Variants in RERE observed in about 807,000 individuals in gnomAD.
RERE encodes arginine-glutamic acid dipeptide repeats protein.
A neutral mutation model predicts 146.1 loss-of-function variants in RERE; 40 were observed. The observed-to-expected ratio is 0.27, with a 90% CI of 0.21 to 0.36. The LOEUF is 0.36. Ranked by LOEUF, RERE falls within the 10% of genes least tolerant of loss-of-function variation. The pLI is 1.00. For synonymous variants in RERE, 1,003 were observed against 866.0 expected, an observed-to-expected ratio of 1.16 and a Z score of -2.78; for missense variants, 1,933 against 2,138.7, an observed-to-expected ratio of 0.90 and a Z score of 1.90.
chr1:8,525,651 C>G (rs1645560822), intron 7 of RERE: 3 of 1,232,578 alleles, frequency 2.4e-6, no homozygotes. Context: ...TAAAGGCTCT[C>G]AGGAACATGC....
chr1:8,789,301 A>AAAAAAAAAAAAAAAAAAATATAT, intron 1 of RERE, among the ~76,000 whole-genome samples: 1 of 24,810 alleles, frequency 4.0e-5, no homozygotes, highest in African/African-American at 2.3e-4. Context: ...AAAAAAAAAA[A>AAAAAAAAAAAAAAAAAAATATAT]ATATATATAT....
At chr1:8,585,282 T>C (rs1646414273) in intron 4 of RERE, among the ~76,000 whole-genome samples, 1 of 152,148 alleles carries the variant, frequency 6.6e-6, no homozygotes, top group African/African-American at 2.4e-5. Flanking sequence ...TCTGTAATCC[T>C]GGATTTAAAT....
In RERE at chr1:8,535,089, G is replaced by A. The variant is rs148821045; in HGVS notation, c.830+6125C>T. On this transcript the variant is annotated intron_variant, in intron 7 of 22. Coordinates refer to ENST00000400908, the MANE Select transcript of RERE (RefSeq NM_001042681.2). ...ATCTAGGCTGCAGTGCACTTAAACC[G>A]TACCTACGAATAGCCACCTCACTCT... Among the ~76,000 whole-genome samples, 291 of 152,062 alleles carry A rather than the reference G, an allele frequency of 1.9e-3. 3 individuals carry two copies. The highest frequency in any genetic ancestry group is 2.2e-3 in the Non-Finnish European group (151 of 67,972).
At chr1:8,405,841 TG>T (rs1377911601) in intron 12 of RERE, among the ~76,000 whole-genome samples, 1 of 152,130 alleles carries the variant, frequency 6.6e-6, no homozygotes, top group African/African-American at 2.4e-5. Flanking sequence ...TTCACCATGT[TG>T]GCCAGGATGG....
intron 3 of RERE, among the ~76,000 whole-genome samples, chr1:8,616,121 T>G (rs1375018219): frequency 6.6e-6 from 1 of 152,248 alleles, no homozygotes; most frequent in Non-Finnish European, 1.5e-5. Flanking sequence ...AAAATGGACT[T>G]CTGGATAATC....
intron 7 of RERE, among the ~76,000 whole-genome samples, chr1:8,514,129 G>A (rs1382760615): frequency 2.0e-5 from 3 of 152,178 alleles, no homozygotes; most frequent in Admixed American, 6.5e-5. Context: ...CAAGCTTTTC[G>A]AAATTCTAAT....
chr1:8,501,992 G>GA (rs1645170984), intron 8 of RERE, among the ~76,000 whole-genome samples: 1 of 65,308 alleles, frequency 1.5e-5, no homozygotes, highest in African/African-American at 5.9e-5. Flanking sequence ...AGGTGGGGGG[G>GA]TCAGCCCCCC....
chr1:8,400,563 T>C (rs1409178114), intron 12 of RERE, among the ~76,000 whole-genome samples: 1 of 152,184 alleles, frequency 6.6e-6, no homozygotes, highest in African/African-American at 2.4e-5. Flanking sequence ...TATATTTATA[T>C]ACTTTTCTAT....
chr1:8,365,738 C>A, intron 13 of RERE, 74 bp downstream of exon 13: 1 of 1,544,870 alleles, frequency 6.5e-7, no homozygotes, highest in Non-Finnish European at 8.9e-7. Context: ...TCAGCTCCTA[C>A]GGGCCCAGAG....
At chr1:8,673,045 CCATA>C (rs1289724073) in intron 1 of RERE, among the ~76,000 whole-genome samples, 1 of 152,122 alleles carries the variant, frequency 6.6e-6, no homozygotes, top group Admixed American at 6.6e-5. Context: ...AGGAAAACAG[CCATA>C]CATTCAAGAA....
At chr1:8,548,527 AAG>A (rs1471319920) in intron 6 of RERE, among the ~76,000 whole-genome samples, 1 of 152,238 alleles carries the variant, frequency 6.6e-6, no homozygotes, top group African/African-American at 2.4e-5. Context: ...CGAAAACAAA[AAG>A]AGTCAATAAA....
chr1:8,463,353 C>T (rs1644550689), intron 11 of RERE, among the ~76,000 whole-genome samples: 2 of 152,254 alleles, frequency 1.3e-5, no homozygotes, highest in South Asian at 2.1e-4. Context: ...CAAACGGATA[C>T]GGATGTATAC....
chr1:8,358,815 A>G lies in RERE; in HGVS notation c.3720T>C (p.Ala1240=). Residue 1240 remains alanine, a synonymous_variant, in exon 20 of 23, where the codon GCT becomes GCC. Coordinates refer to ENST00000400908, the MANE Select transcript of RERE (RefSeq NM_001042681.2). ...CGGGCCCGATGTAGGGGGGCACAGC[A>G]GCAATGGTGGTTGGTGGTGGCTCGA... ...PSFEPPPTTI[A]AVPPYIGPDT... 6 of 1,612,060 alleles carry G rather than the reference A, an allele frequency of 3.7e-6. No individual in the cohort carries two copies. Among genetic ancestry groups the G allele is most frequent in the South Asian group, 1.1e-5 (1 of 90,822 alleles).
intron 11 of RERE, among the ~76,000 whole-genome samples, chr1:8,438,720 A>G (rs913938545): frequency 1.3e-5 from 2 of 152,148 alleles, no homozygotes; most frequent in African/African-American, 4.8e-5. Context: ...CATCACAAGT[A>G]CTCAAATGTA....
At chr1:8,736,399 G>C (rs1381104740) in intron 1 of RERE, among the ~76,000 whole-genome samples, 1 of 152,054 alleles carries the variant, frequency 6.6e-6, no homozygotes, top group Non-Finnish European at 1.5e-5. Context: ...AGTAGAGACG[G>C]GGTTTCACCG....
chr1:8,764,277 C>CT (rs752151526), intron 1 of RERE, among the ~76,000 whole-genome samples: 11 of 152,156 alleles, frequency 7.2e-5, no homozygotes, highest in Non-Finnish European at 1.5e-4. Flanking sequence ...CAGAGAGCAA[C>CT]TGCAATGTGT....
intron 7 of RERE, among the ~76,000 whole-genome samples, chr1:8,530,463 G>A (rs1570397392): frequency 6.6e-6 from 1 of 151,924 alleles, no homozygotes; most frequent in Non-Finnish European, 1.5e-5. Context: ...TGTCTACAAC[G>A]TTGTATTCAT....
rs761151721 is a variant in RERE, at chr1:8,358,753, C to T, written c.3782G>A (p.Arg1261Gln). ...GTTGGTGGGCGACATGACGTGGGGC[C>T]GGGCGTACTCGCTCAGAGTCCGAAG... ...PALRTLSEYARPHVMSPTNRN... is the reference protein window; with the variant it reads ...PALRTLSEYAQPHVMSPTNRN... Residue 1261 changes from arginine (R) to glutamine (Q), a missense_variant, in exon 20 of 23, where the codon CGG (arginine) becomes CAG (glutamine). This residue lies in a region of RERE where 1,255 missense variants were observed against 1,153.8 expected (regional missense o/e 1.09). Transcript: ENST00000400908. 7 of 1,610,534 alleles carry T rather than the reference C, an allele frequency of 4.3e-6. No homozygotes were observed. Among genetic ancestry groups the T allele is most frequent in the Non-Finnish European group, 5.9e-6 (7 of 1,178,038 alleles).
intron 11 of RERE, among the ~76,000 whole-genome samples, chr1:8,444,920 TAAA>T (rs58458546): frequency 2.8e-5 from 4 of 141,154 alleles, no homozygotes; most frequent in African/African-American, 5.2e-5. Context: ...TTTCTTTATT[TAAA>T]AAAAAAAAAA....
Sources: allele counts gnomAD v4.1 joint callset (sites outside exome capture counted in the v4.1 genomes callset), GRCh38; gene constraint gnomAD v4.1.1; regional missense constraint gnomAD v4.1.1; transcripts MANE v1.5; gene names NCBI Gene and HGNC (gene_info 2026-07-23, HGNC 2026-07-21).